SLC4A3: variants seen among roughly 807,000 people sequenced by gnomAD.
The protein encoded by SLC4A3 is solute carrier family 4 member 3.
In SLC4A3, 47 loss-of-function variants were observed where a neutral mutation model predicts 114.2. The ratio of observed to expected loss-of-function variants is 0.41; its 90% CI spans 0.33 to 0.52. The LOEUF (loss-of-function observed/expected upper bound fraction) is 0.52, where lower values mean the gene tolerates loss of function less well. Among genes scored for constraint, SLC4A3 ranks in the 20% least tolerant of loss-of-function variants. SLC4A3 has a pLI of 0.21. For synonymous variants in SLC4A3, 693 were observed against 710.3 expected (o/e 0.98, Z 0.39); for missense variants, 1,312 against 1,668.3 (o/e 0.79, Z 3.72).
chr2:219,629,375 C>T lies in SLC4A3; in HGVS notation c.449C>T (p.Ala150Val), dbSNP rs1473148886. ...EEEEEEGESE[A>V]EPVEPPHSGT... ...GAGGAAGAGGAAGGAGAATCTGAGGCAGAACCTGTGGAGCCCCCCCACTCA... is the reference window on the plus strand; with the variant it reads ...GAGGAAGAGGAAGGAGAATCTGAGGTAGAACCTGTGGAGCCCCCCCACTCA... Residue 150 changes from alanine to valine, a missense_variant, in exon 4 of 23, where the codon GCA becomes GTA. Physicochemically the swap from Ala to Val is moderately conservative, Grantham distance 64. Transcript: ENST00000358055. The T allele has an allele frequency of 6.3e-7, 1 of 1,597,162 alleles. No individual in the cohort carries two copies. Among genetic ancestry groups the T allele is most frequent in the South Asian group, 1.1e-5 (1 of 88,180 alleles).
chr2:219,637,490 G>A lies in SLC4A3; in HGVS notation c.2536-91G>A. The A allele has an allele frequency of 1.4e-6, 1 of 707,134 alleles. No homozygotes were observed. Among genetic ancestry groups the A allele is most frequent in the Non-Finnish European group, 2.5e-6 (1 of 405,520 alleles). 43.8% of individuals were successfully genotyped at this position (707,134 alleles called of 1,614,324 possible). A position where few individuals can be genotyped will look rare whatever the true frequency, so the allele number is the denominator to read the frequency against. ...ACTGTTGTCTGACCAGGTATTGAGG[G>A]GCCACCCTCTCTCTCACAGGTGTAC... On this transcript the variant is annotated intron_variant, in intron 16 of 22. Transcript: ENST00000358055. This position sits in a 1 kb window ranked among gnomAD's most constrained non-coding sequence, Gnocchi z 4.6.
Position 219,637,739 on chromosome 2 carries a change from C to A in SLC4A3, c.2694C>A (p.Ile898=), listed in dbSNP as rs551239424. 2 of 1,614,004 alleles carry A rather than the reference C, an allele frequency of 1.2e-6. No homozygotes were observed. The highest frequency in any genetic ancestry group is 1.3e-5 in the African/African-American group (1 of 75,032). Reference sequence around the variant, plus strand: ...CCAATACGGCACTGCTCTCACTCATCCTCATGCTCGGGACCTTCTTCATAG... The same window carrying A: ...CCAATACGGCACTGCTCTCACTCATACTCATGCTCGGGACCTTCTTCATAG... ...NQPNTALLSL[I]LMLGTFFIAF... is the part of the protein sequence containing the mutation. The change falls in exon 17 of 23, where the codon ATC becomes ATA. Residue 898 remains isoleucine (I), a synonymous_variant. Coordinates refer to ENST00000358055, the MANE Select transcript of SLC4A3 (RefSeq NM_005070.4). The surrounding 1 kb of genome is among the most constrained non-coding windows in gnomAD (Gnocchi z 4.6).
chr2:219,636,857 T>A lies in SLC4A3; in HGVS notation c.2518T>A (p.Phe840Ile), dbSNP rs1220550563. The stretch of plus-strand genomic sequence containing the variant: ...CTCACTCATTTTCATCTACGAGACC[T>A]TCTACAAGCTCTACAAGGTGGAGGT... Reference protein sequence around the residue: ...LISLIFIYETFYKLYKVFTEH... With the variant: ...LISLIFIYETIYKLYKVFTEH... Residue 840 changes from phenylalanine (F) to isoleucine (I), a missense_variant, in exon 16 of 23, where the codon TTC becomes ATC. Physicochemically the swap from Phe to Ile is conservative, Grantham distance 21. Transcript: ENST00000358055. This position sits in a 1 kb window ranked among gnomAD's most constrained non-coding sequence, Gnocchi z 5.5. 6.2e-7 allele frequency: 1 copy of A among 1,613,838 alleles called. No individual in the cohort carries two copies. The highest frequency in any genetic ancestry group is 1.7e-5 in the Admixed American group (1 of 60,000).
At chr2:219,632,844 T>C (rs1326337334) in intron 8 of SLC4A3, 30 bp from the exon 9 acceptor site, 1 of 1,613,158 alleles carries the variant, frequency 6.2e-7, no homozygotes, top group East Asian at 2.2e-5. Context: ...GATGGGACTG[T>C]GCCCTCTCTG....
intron 12 of SLC4A3, 129 bp from the exon 13 acceptor site, chr2:219,635,141 GA>G: frequency 1.4e-6 from 1 of 694,594 alleles, no homozygotes; most frequent in South Asian, 1.8e-5. Flanking sequence ...AACACTGTTG[GA>G]CTGGCCCAGT....
chr2:219,641,533 C>T lies in SLC4A3; in HGVS notation c.3622-118C>T. 2 of 786,478 alleles carry T rather than the reference C, an allele frequency of 2.5e-6. No homozygotes were observed. The allele number at this position is 786,478 out of a possible 1,614,324, so 48.7% of individuals were successfully genotyped here. ...CTGCCACCCAGGGTCATGGTACTTG[C>T]AGAGAGGCCCAGGAAAGGTCAGGGA... On this transcript the variant is annotated intron_variant, in intron 22 of 22. Coordinates refer to ENST00000358055, the MANE Select transcript of SLC4A3 (RefSeq NM_005070.4). This position sits in a 1 kb window ranked among gnomAD's most constrained non-coding sequence, Gnocchi z 4.0.
At position 219,636,342 on chromosome 2, in the gene SLC4A3, C is replaced by G. The variant is rs113725667; in HGVS notation, c.2232C>G (p.Ile744Met). ...GGCTGATGGGCGTGTCCGAGCTGAT[C>G]GTGTCCACCGCTGTGCTCGGCGTCC... ...TEGLMGVSEL[I>M]VSTAVLGVLF... The change falls in exon 15 of 23, where the codon ATC (isoleucine) becomes ATG (methionine). Residue 744 changes from isoleucine (I) to methionine (M), a missense_variant. Transcript: ENST00000358055. This position sits in a 1 kb window ranked among gnomAD's most constrained non-coding sequence, Gnocchi z 5.5. The G allele has an allele frequency of 6.2e-7, 1 of 1,613,662 alleles. No homozygotes were observed.
Position 219,639,472 on chromosome 2 carries a change from C to A in SLC4A3, c.3024-10C>A. ...CCAGCCACACCCCGCTCCCCACCTT[C>A]TCCCTGCAGGCTTATCGTCAGCCAG... On this transcript the variant is annotated splice_polypyrimidine_tract_variant and intron_variant, in intron 19 of 22. Coordinates refer to ENST00000358055, the MANE Select transcript of SLC4A3 (RefSeq NM_005070.4). The surrounding 1 kb of genome is among the most constrained non-coding windows in gnomAD (Gnocchi z 5.9). 2 of 1,609,756 alleles carry A rather than the reference C, an allele frequency of 1.2e-6. No individual in the cohort carries two copies. The highest frequency in any genetic ancestry group is 8.5e-7 in the Non-Finnish European group (1 of 1,177,700).
Position 219,631,894 on chromosome 2 carries a change from G to A in SLC4A3, c.812-74G>A, listed in dbSNP as rs1698934584. Reference sequence around the variant, plus strand: ...AGAGCTCACCAAGTAGATGGGTTGGGCAGAAGGAGCTGGGCCGTGACCCCG... The same window carrying A: ...AGAGCTCACCAAGTAGATGGGTTGGACAGAAGGAGCTGGGCCGTGACCCCG... On this transcript the variant is annotated intron_variant, in intron 6 of 22. Coordinates refer to ENST00000358055, the MANE Select transcript of SLC4A3 (RefSeq NM_005070.4). This position sits in a 1 kb window ranked among gnomAD's most constrained non-coding sequence, Gnocchi z 6.3. The A allele has an allele frequency of 2.0e-6, 3 of 1,490,504 alleles. No homozygotes were observed. The highest frequency in any genetic ancestry group is 1.4e-5 in the African/African-American group (1 of 71,210). 92.3% of individuals were successfully genotyped at this position (1,490,504 alleles called of 1,614,324 possible).
In SLC4A3 at chr2:219,629,388, G is replaced by GCC. The variant is rs766665904; in HGVS notation, c.468_469dup (p.His157ProfsTer114). ...GAGAATCTGAGGCAGAACCTGTGGAGCCCCCCCACTCAGGGACCCCACAGA... is the reference window on the plus strand; with the variant it reads ...GAGAATCTGAGGCAGAACCTGTGGAGCCCCCCCCCACTCAGGGACCCCACAGA... On this transcript the variant is annotated frameshift_variant, in exon 4 of 23. Transcript: ENST00000358055. LOFTEE classifies it high-confidence loss of function. 2.0e-6 allele frequency: 3 copies of GCC among 1,523,898 alleles called. No homozygotes were observed. Among genetic ancestry groups the GCC allele is most frequent in the South Asian group, 1.2e-5 (1 of 82,844 alleles). The allele number at this position is 1,523,898 out of a possible 1,614,324, so 94.4% of individuals were successfully genotyped here.
In SLC4A3 at chr2:219,640,920, T is replaced by C; in HGVS notation, c.3579T>C (p.His1193=). The part of the protein sequence containing the change: ...FLLLLTVPLR[H]CLLPRLFQDR... ...TGCTGCTCACGGTGCCTCTGAGGCA[T>C]TGCCTTCTGCCCCGGCTCTTCCAGG... The change falls in exon 22 of 23, where the codon CAT becomes CAC. Residue 1193 remains histidine, a synonymous_variant. Transcript: ENST00000358055. The C allele has an allele frequency of 6.2e-7, 1 of 1,609,672 alleles. No individual in the cohort carries two copies. Among genetic ancestry groups the C allele is most frequent in the Non-Finnish European group, 8.5e-7 (1 of 1,180,012 alleles).
At position 219,639,589 on chromosome 2, in the gene SLC4A3, C is replaced by T; in HGVS notation, c.3131C>T (p.Pro1044Leu). 6.2e-7 allele frequency: 1 copy of T among 1,614,074 alleles called. No homozygotes were observed. The highest frequency in any genetic ancestry group is 8.5e-7 in the Non-Finnish European group (1 of 1,180,028). The change falls in exon 20 of 23, where the codon CCC becomes CTC. Residue 1044 changes from proline to leucine, a missense_variant. Coordinates refer to ENST00000358055, the MANE Select transcript of SLC4A3 (RefSeq NM_005070.4). The surrounding 1 kb of genome is among the most constrained non-coding windows in gnomAD (Gnocchi z 5.9). Reference sequence around the variant, plus strand: ...GGGCTCTGTGGGCTGTTTGGGTTGCCCTGGCTCACGGCTGCCACGGTCCGC... The same window carrying T: ...GGGCTCTGTGGGCTGTTTGGGTTGCTCTGGCTCACGGCTGCCACGGTCCGC... ...LGGLCGLFGL[P>L]WLTAATVRSV...
rs774131495 is a variant in SLC4A3, at chr2:219,637,745, GC to G, written c.2701del (p.Leu901SerfsTer6). ...CGGCACTGCTCTCACTCATCCTCATGCTCGGGACCTTCTTCATAGCCTTCTT... is the reference window on the plus strand; with the variant it reads ...CGGCACTGCTCTCACTCATCCTCATGTCGGGACCTTCTTCATAGCCTTCTT... ...NTALLSLILM[L>X]GTFFIAFFLR... On this transcript the variant is annotated frameshift_variant, in exon 17 of 23. Coordinates refer to ENST00000358055, the MANE Select transcript of SLC4A3 (RefSeq NM_005070.4). LOFTEE classifies it high-confidence loss of function. This position sits in a 1 kb window ranked among gnomAD's most constrained non-coding sequence, Gnocchi z 4.6. The G allele has an allele frequency of 6.2e-7, 1 of 1,613,954 alleles. No individual in the cohort carries two copies. Among genetic ancestry groups the G allele is most frequent in the Non-Finnish European group, 8.5e-7 (1 of 1,179,898 alleles).
At chr2:219,640,228 C>G (rs994321026) in intron 20 of SLC4A3, among the ~76,000 whole-genome samples, 2 of 116,922 alleles carry the variant, frequency 1.7e-5, no homozygotes, top group Admixed American at 8.9e-5. Flanking sequence ...TGTGTCTGCC[C>G]CCCCCCCCGC....
Position 219,641,575 on chromosome 2 carries a change from G to A in SLC4A3, c.3622-76G>A. 1 of 1,192,268 alleles carries A rather than the reference G, an allele frequency of 8.4e-7. No homozygotes were observed. Among genetic ancestry groups the A allele is most frequent in the Non-Finnish European group, 1.2e-6 (1 of 801,296 alleles). The allele number at this position is 1,192,268 out of a possible 1,614,324, so 73.9% of individuals were successfully genotyped here. ...GGTCAGGGAGCAGGGAGGGCTGCAG[G>A]TTGGAGGAGGAGCTGGAGAATGGGA... On this transcript the variant is annotated intron_variant, in intron 22 of 22. Coordinates refer to ENST00000358055, the MANE Select transcript of SLC4A3 (RefSeq NM_005070.4). The surrounding 1 kb of genome is among the most constrained non-coding windows in gnomAD (Gnocchi z 4.0).
rs576104968 is a variant in SLC4A3 at position 219,637,422 on chromosome 2, T to A, written c.2536-159T>A. ...GTGTTGTATGTGTGTGTTCTGTGTG[T>A]TCTGTGTGTTGTGTGTGTGGTGCAG... On this transcript the variant is annotated intron_variant, in intron 16 of 22. Transcript: ENST00000358055. This position sits in a 1 kb window ranked among gnomAD's most constrained non-coding sequence, Gnocchi z 4.6. Among the ~76,000 whole-genome samples the A allele has an allele frequency of 6.6e-6, 1 of 152,064 alleles. No homozygotes were observed. The highest frequency in any genetic ancestry group is 2.1e-4 in the South Asian group (1 of 4,818).
In SLC4A3 at chr2:219,633,385, G is replaced by A; in HGVS notation, c.1389G>A (p.Gly463=). The A allele has an allele frequency of 6.2e-7, 1 of 1,600,828 alleles. No homozygotes were observed. The highest frequency in any genetic ancestry group is 8.5e-7 in the Non-Finnish European group (1 of 1,172,334). ...HHPTPSHGPD[G]AVPTMADDLG... is the part of the protein sequence containing the mutation. ...CAACTCCCAGCCATGGCCCTGATGGGGCGGTGCCTACCATGGCTGATGACC... is the reference window on the plus strand; with the variant it reads ...CAACTCCCAGCCATGGCCCTGATGGAGCGGTGCCTACCATGGCTGATGACC... Residue 463 remains glycine (G), a synonymous_variant, in exon 10 of 23, where the codon GGG becomes GGA. Transcript: ENST00000358055.
In SLC4A3 at chr2:219,631,357, C is replaced by A. The variant is rs1288198057; in HGVS notation, c.812-611C>A. On this transcript the variant is annotated intron_variant, in intron 6 of 22. Coordinates refer to ENST00000358055, the MANE Select transcript of SLC4A3 (RefSeq NM_005070.4). This position sits in a 1 kb window ranked among gnomAD's most constrained non-coding sequence, Gnocchi z 6.3. ...GCCCCCAGTCCTCGAGACTCACTGG[C>A]CCCGGAAGACTTAGAGATGTTTGTG... 7.7e-7 allele frequency: 1 copy of A among 1,304,266 alleles called. No individual in the cohort carries two copies. The highest frequency in any genetic ancestry group is 1.0e-6 in the Non-Finnish European group (1 of 988,934). The allele number at this position is 1,304,266 out of a possible 1,614,324, so 80.8% of individuals were successfully genotyped here. A position where few individuals can be genotyped will look rare whatever the true frequency, so the allele number is the denominator to read the frequency against.
rs1488053089 is a variant in SLC4A3 at position 219,641,387 on chromosome 2, C to T, written c.3622-264C>T. Among the ~76,000 whole-genome samples, 1 of 152,166 alleles carries T rather than the reference C, an allele frequency of 6.6e-6. No homozygotes were observed. The highest frequency in any genetic ancestry group is 1.5e-5 in the Non-Finnish European group (1 of 68,038). On this transcript the variant is annotated intron_variant, in intron 22 of 22. Transcript: ENST00000358055. This position sits in a 1 kb window ranked among gnomAD's most constrained non-coding sequence, Gnocchi z 4.0. ...TACTCAAACATGGTGTACAAAGGTACCATAGCAACTAGAAGTGGCCTCAGG... is the reference window on the plus strand; with the variant it reads ...TACTCAAACATGGTGTACAAAGGTATCATAGCAACTAGAAGTGGCCTCAGG...
Sources: gnomAD v4.1 joint callset for allele counts (sites outside exome capture counted in the v4.1 genomes callset) on GRCh38, gnomAD v4.1.1 for gene constraint, Gnocchi (gnomAD v3.1) non-coding constraint, MANE v1.5 for transcripts, NCBI Gene and HGNC (gene_info 2026-07-23, HGNC 2026-07-21) for gene names.